Variants in ZP3 observed in about 807,000 individuals in gnomAD.
ZP3 encodes zona pellucida sperm-binding protein 3.
Under a neutral mutation model 35.6 loss-of-function variants are expected in ZP3, and 21 were observed. The observed-to-expected ratio is 0.59, with a 90% CI of 0.42 to 0.85. ZP3 has a LOEUF of 0.85. Among genes scored for constraint, ZP3 ranks in the 40% least tolerant of loss-of-function variants. ZP3 has a pLI of 0.00. For synonymous variants in ZP3, 207 were observed against 214.5 expected, an observed-to-expected ratio of 0.96 and a Z score of 0.31; for missense variants, 437 against 536.5, an observed-to-expected ratio of 0.81 and a Z score of 1.83.
In ZP3 at chr7:76,426,819, C is replaced by T. The variant is rs1019422390; in HGVS notation, c.312+1543C>T. Among the ~76,000 whole-genome samples the T allele has an allele frequency of 4.7e-5, 7 of 148,956 alleles. No homozygotes were observed. The East Asian group carries it at 6.0e-4, about 13-fold the overall frequency. The stretch of plus-strand genomic sequence containing the variant: ...CTGAGATGGGAGGATCACTTGGGCC[C>T]GGGAGTTTAAGGCCACCCTGGGCAA... On this transcript the variant is annotated intron_variant, in intron 1 of 7. Transcript: ENST00000394857.
chr7:76,400,349 C>T (rs202242854), intron 1 of ZP3: 34 of 1,536,040 alleles, frequency 2.2e-5, no homozygotes, highest in East Asian at 7.3e-5. Flanking sequence ...CCGCGGCTGC[C>T]GCACTCGCTC....
intron 5 of ZP3, among the ~76,000 whole-genome samples, chr7:76,436,782 C>T (rs1339895053): frequency 2.0e-5 from 3 of 152,218 alleles, no homozygotes; most frequent in African/African-American, 7.2e-5. Flanking sequence ...CAAGATTGAC[C>T]TCAGGTGTGG....
At chr7:76,411,298 G>C (rs1805237757) in intron 1 of ZP3, among the ~76,000 whole-genome samples, 1 of 152,156 alleles carries the variant, frequency 6.6e-6, no homozygotes, top group South Asian at 2.1e-4. Context: ...CAGGAGTAGT[G>C]GCTCATGCCT....
At chr7:76,398,264 C>T (rs146661729) in intron 1 of ZP3, among the ~76,000 whole-genome samples, 1 of 151,484 alleles carries the variant, frequency 6.6e-6, no homozygotes, top group Non-Finnish European at 1.5e-5. Context: ...CTCATCTGAC[C>T]TTCCTGTGAG....
At chr7:76,432,081 G>A (rs1805845349) in intron 2 of ZP3, among the ~76,000 whole-genome samples, 1 of 151,106 alleles carries the variant, frequency 6.6e-6, no homozygotes, top group South Asian at 2.1e-4. Context: ...AGTGCAGTGG[G>A]GTGCCATCAT....
chr7:76,412,008 C>T (rs1428859830), intron 1 of ZP3, among the ~76,000 whole-genome samples: 1 of 151,712 alleles, frequency 6.6e-6, no homozygotes, highest in African/African-American at 2.4e-5. Flanking sequence ...TCCTGGGAAA[C>T]ACAGTGAGAC....
intron 1 of ZP3, among the ~76,000 whole-genome samples, chr7:76,413,191 G>A (rs1315560671): frequency 6.6e-6 from 1 of 150,902 alleles, no homozygotes; most frequent in African/African-American, 2.4e-5. Context: ...TTGAACTCCT[G>A]ACCTCATGGC....
exon 1 of ZP3, chr7:76,397,785 GGCCC>G (rs755592766): frequency 6.2e-7 from 1 of 1,609,538 alleles, no homozygotes; most frequent in Non-Finnish European, 8.5e-7. Context: ...ATCTCCACTC[GGCCC>G]TGACACAGGT....
chr7:76,406,717 A>T (rs1430108034), intron 1 of ZP3, among the ~76,000 whole-genome samples: 3 of 150,784 alleles, frequency 2.0e-5, no homozygotes, highest in Non-Finnish European at 4.4e-5. Context: ...CTGGTCTCAA[A>T]CTCCTGGCCT....
chr7:76,436,334 A>G (rs896089268), intron 5 of ZP3, among the ~76,000 whole-genome samples: 3 of 152,000 alleles, frequency 2.0e-5, no homozygotes, highest in African/African-American at 4.8e-5. Context: ...GGCGTGAGCC[A>G]CTGTACCCGG....
At chr7:76,401,288 T>G (rs923992605) in intron 1 of ZP3, among the ~76,000 whole-genome samples, 1 of 152,180 alleles carries the variant, frequency 6.6e-6, no homozygotes, top group African/African-American at 2.4e-5. Flanking sequence ...AATCTGTAGA[T>G]CTGCACATCT....
upstream of ZP3, among the ~76,000 whole-genome samples, chr7:76,421,220 C>T (rs1206145319): frequency 6.6e-6 from 1 of 152,104 alleles, no homozygotes; most frequent in Non-Finnish European, 1.5e-5. Context: ...AGGCGTGAGC[C>T]ACTGCGCCCC....
chr7:76,402,200 T>G (rs983693162), intron 1 of ZP3, among the ~76,000 whole-genome samples: 24 of 148,714 alleles, frequency 1.6e-4, no homozygotes, highest in Non-Finnish European at 3.0e-5. Flanking sequence ...TTTTTTTTTT[T>G]GAGACAGAGT....
At position 76,432,025 on chromosome 7, in the gene ZP3, G is replaced by GT. The variant is rs544659328; in HGVS notation, c.432-896dup. On this transcript the variant is annotated intron_variant, in intron 2 of 7. Transcript: ENST00000394857. ...GCTAAAGTATGTGTGGTGGCTTTTG[G>GT]TTTTTTGTTTAAAAAAAAAAAGTCT... Among the ~76,000 whole-genome samples, 114 of 143,216 alleles carry GT rather than the reference G, an allele frequency of 8.0e-4. 1 individual carries two copies. Among genetic ancestry groups the GT allele is most frequent in the African/African-American group, 2.6e-3 (104 of 40,134 alleles). 94.0% of individuals were successfully genotyped at this position (143,216 alleles called of 152,430 possible). A position where few individuals can be genotyped will look rare whatever the true frequency, so the allele number is the denominator to read the frequency against.
upstream of ZP3, among the ~76,000 whole-genome samples, chr7:76,423,390 A>T (rs1805572306): frequency 1.3e-5 from 2 of 152,170 alleles, no homozygotes; most frequent in African/African-American, 2.4e-5. Context: ...GGTTGGCATT[A>T]TCTGGTTGCC....
chr7:76,426,818 C>T (rs1443580527), intron 1 of ZP3, among the ~76,000 whole-genome samples: 5 of 146,066 alleles, frequency 3.4e-5, no homozygotes, highest in African/African-American at 1.3e-4. Flanking sequence ...TCACTTGGGC[C>T]CGGGAGTTTA....
intron 1 of ZP3, chr7:76,429,306 T>C: frequency 1.8e-6 from 1 of 552,386 alleles, no homozygotes; most frequent in Non-Finnish European, 3.3e-6. Flanking sequence ...GGTCTTGCTA[T>C]GTTTCCCAGG....
chr7:76,397,609 T>C lies in ZP3; in HGVS notation c.-255T>C, dbSNP rs1804680460. 6 of 1,611,190 alleles carry C rather than the reference T, an allele frequency of 3.7e-6. No homozygotes were observed. The East Asian group carries it at 1.3e-4, about 36-fold the overall frequency. ...AGGCTGCCAGGCGGGGCTCGCCGCC[T>C]TCGCAGTGCACGTTGTCCAGCAGGA... is the stretch of plus-strand genomic sequence containing the variant. On this transcript the variant is annotated 5_prime_UTR_variant, in exon 1 of 9. Coordinates refer to the ZP3 transcript ENST00000336517.
chr7:76,397,579 C>G (rs1209475995), exon 1 of ZP3: 3 of 1,609,626 alleles, frequency 1.9e-6, no homozygotes, highest in Non-Finnish European at 1.7e-6. Flanking sequence ...AGCCCAGGCT[C>G]TGGCAGGCTG....
Sources: gnomAD v4.1 joint callset for allele counts (sites outside exome capture counted in the v4.1 genomes callset) on GRCh38, gnomAD v4.1.1 for gene constraint, MANE v1.5 for transcripts, NCBI Gene and HGNC (gene_info 2026-07-23, HGNC 2026-07-21) for gene names.